ERBB3: variants seen among roughly 807,000 people sequenced by gnomAD.
The protein encoded by ERBB3 is receptor tyrosine-protein kinase erbB-3.
ERBB3 carries 96 observed loss-of-function variants against 156.7 expected under a neutral mutation model. The ratio of observed to expected loss-of-function variants is 0.61; its 90% CI spans 0.52 to 0.73. ERBB3 has a LOEUF of 0.73. ERBB3 is among the 30% of genes least tolerant of loss of function. The pLI is 0.00. For synonymous variants in ERBB3, 567 were observed against 632.0 expected, an observed-to-expected ratio of 0.90 and a Z score of 1.54; for missense variants, 1,406 against 1,709.4, an observed-to-expected ratio of 0.82 and a Z score of 3.13.
chr12:56,093,938 C>A lies in ERBB3; in HGVS notation c.1613+42C>A, dbSNP rs752253764. 1.1e-5 allele frequency: 18 copies of A among 1,612,382 alleles called. No homozygotes were observed. In the Admixed American group the frequency reaches 3.0e-4, roughly 27 times the overall value. On this transcript the variant is annotated intron_variant, in intron 13 of 27. Transcript: ENST00000267101. ...CAGTCAAGGATGGGTGGGGGTGGGG[C>A]CCTGCAATGGAACTGTTCAGGTGGC...
intron 9 of ERBB3, among the ~76,000 whole-genome samples, chr12:56,090,676 TTCTC>T (rs147490873): frequency 1.4e-4 from 21 of 150,570 alleles, no homozygotes; most frequent in East Asian, 1.2e-3. Context: ...GCTTTATCAC[TTCTC>T]TCTCTCTCTG....
At position 56,093,428 on chromosome 12, in the gene ERBB3, G is replaced by A. The variant is rs144549266; in HGVS notation, c.1358G>A (p.Arg453His). 7.9e-5 allele frequency: 128 copies of A among 1,613,974 alleles called. No homozygotes were observed. In the East Asian group the frequency reaches 9.8e-4, roughly 12 times the overall value. ...FRSLKEISAG[R>H]IYISANRQLC... ...TCCCTGAAGGAAATTAGTGCTGGGC[G>A]TATCTATATAAGTGCCAATAGGCAG... Residue 453 changes from arginine (R) to histidine (H), a missense_variant, in exon 12 of 28, where the codon CGT becomes CAT. Arg to His is a conservative substitution (Grantham distance 29). Coordinates refer to ENST00000267101, the MANE Select transcript of ERBB3 (RefSeq NM_001982.4).
At chr12:56,080,783 C>T (rs1006733161) in intron 1 of ERBB3, among the ~76,000 whole-genome samples, 1 of 152,174 alleles carries the variant, frequency 6.6e-6, no homozygotes, top group East Asian at 1.9e-4. Context: ...GCCCCCCACC[C>T]GCGCCGATTT....
intron 9 of ERBB3, among the ~76,000 whole-genome samples, chr12:56,091,266 T>TTATATATATATATATATA (rs199547778): frequency 5.8e-4 from 25 of 43,416 alleles, no homozygotes; most frequent in African/African-American, 2.8e-3. Context: ...TTGGCTAATT[T>TTATATATATATATATATA]TATATATATA....
intron 2 of ERBB3, 126 bp downstream of exon 2, chr12:56,084,028 C>CA: frequency 1.0e-6 from 1 of 954,880 alleles, no homozygotes; most frequent in South Asian, 1.3e-5. Context: ...TCCTAAGATT[C>CA]AAAACCGTGT....
In ERBB3 at chr12:56,096,816, T is replaced by C. The variant is rs1418666349; in HGVS notation, c.2244T>C (p.Ser748=). 1.2e-6 allele frequency: 2 copies of C among 1,613,364 alleles called. No individual in the cohort carries two copies. Among genetic ancestry groups the C allele is most frequent in the East Asian group, 2.2e-5 (1 of 44,872 alleles). ...GCATTAAAGTCATTGAGGACAAGAGTGGACGGCAGAGTTTTCAAGCTGTGA... is the reference window on the plus strand; with the variant it reads ...GCATTAAAGTCATTGAGGACAAGAGCGGACGGCAGAGTTTTCAAGCTGTGA... ...PVCIKVIEDK[S]GRQSFQAVTD... is the part of the protein sequence containing the mutation. The change falls in exon 19 of 28, where the codon AGT becomes AGC. Residue 748 remains serine, a synonymous_variant. Transcript: ENST00000267101.
rs561999778 is a variant in ERBB3 at position 56,094,652 on chromosome 12, C to G, written c.1859+96C>G. The G allele has an allele frequency of 4.2e-6, 6 of 1,433,134 alleles. No homozygotes were observed. In the South Asian group the frequency reaches 7.2e-5, roughly 17 times the overall value. 88.8% of individuals were successfully genotyped at this position (1,433,134 alleles called of 1,614,324 possible). On this transcript the variant is annotated intron_variant, in intron 15 of 27. Transcript: ENST00000267101. The stretch of plus-strand genomic sequence containing the variant: ...CAGAAAGAAGAGAGAGGCTGTGATT[C>G]AAGAATCACTCCCAGCTGGCCGGGC...
chr12:56,083,031 G>C (rs1402539049), intron 1 of ERBB3, among the ~76,000 whole-genome samples: 1 of 152,122 alleles, frequency 6.6e-6, no homozygotes, highest in Non-Finnish European at 1.5e-5. Flanking sequence ...GAGGCAACTA[G>C]CTCCTTATCT....
rs878986032 is a variant in ERBB3, at chr12:56,101,462, T to C, written c.3503-67T>C. On this transcript the variant is annotated intron_variant, in intron 27 of 27. Coordinates refer to ENST00000267101, the MANE Select transcript of ERBB3 (RefSeq NM_001982.4). ...ATCATATGCCTCTCTGTCCTATTAA[T>C]TTTTTCAAACTTTCCCCTACCCTCA... 13 of 1,601,514 alleles carry C rather than the reference T, an allele frequency of 8.1e-6. No homozygotes were observed. In the South Asian group the frequency reaches 1.2e-4, roughly 15 times the overall value.
chr12:56,092,978 C>T lies in ERBB3; in HGVS notation c.1184-8C>T. 6.2e-7 allele frequency: 1 copy of T among 1,612,364 alleles called. No individual in the cohort carries two copies. Among genetic ancestry groups the T allele is most frequent in the Non-Finnish European group, 8.5e-7 (1 of 1,178,344 alleles). On this transcript the variant is annotated splice_polypyrimidine_tract_variant and splice_region_variant and intron_variant, in intron 10 of 27. Coordinates refer to ENST00000267101, the MANE Select transcript of ERBB3 (RefSeq NM_001982.4). ...TCCCTGCCCATATGCCTCTCTCCAA[C>T]CCCTCAGGTTACCTGAACATCCAGT...
Position 56,094,204 on chromosome 12 carries a change from C to A in ERBB3, c.1704+15C>A, listed in dbSNP as rs758519672. 52 of 1,601,800 alleles carry A rather than the reference C, an allele frequency of 3.2e-5. No homozygotes were observed. The highest frequency in any genetic ancestry group is 3.3e-5 in the Non-Finnish European group (38 of 1,168,968). ...GCAATGGCTCGGTATACTAGTAGCA[C>A]CAGGATCTCCAAGGGAGACAGAGAA... On this transcript the variant is annotated intron_variant, in intron 14 of 27. Transcript: ENST00000267101.
chr12:56,098,426 A>G (rs1868969799), intron 21 of ERBB3, 74 bp from the exon 22 acceptor site: 2 of 1,198,152 alleles, frequency 1.7e-6, no homozygotes, highest in East Asian at 4.7e-5. Flanking sequence ...AAAAAAAAAA[A>G]AGAATTTGGG....
At chr12:56,087,404 T>C (rs937577558) in intron 4 of ERBB3, among the ~76,000 whole-genome samples, 173 bp from the exon 5 acceptor site, 7 of 152,062 alleles carry the variant, frequency 4.6e-5, no homozygotes, top group African/African-American at 7.2e-5. Flanking sequence ...CCGCGCCCCT[T>C]GTTGACAGGT....
At position 56,100,038 on chromosome 12, in the gene ERBB3, A is replaced by C. The variant is rs2292238; in HGVS notation, c.3129+9A>C. 621,557 of 1,612,632 alleles carry C rather than the reference A, an allele frequency of 0.39. 122,710 individuals are homozygous for C. The highest frequency in any genetic ancestry group is 0.41 in the Non-Finnish European group (480,508 of 1,178,866). On this transcript the variant is annotated intron_variant, in intron 25 of 27. Coordinates refer to ENST00000267101, the MANE Select transcript of ERBB3 (RefSeq NM_001982.4). ...TTAATCGGCCACGTGGGGTAAGACA[A>C]CTTCTAATTACCCAACACTTTGCAC...
chr12:56,091,918 AAG>A (rs1345800203), intron 9 of ERBB3, among the ~76,000 whole-genome samples: 1 of 151,960 alleles, frequency 6.6e-6, no homozygotes, highest in South Asian at 2.1e-4. Context: ...TACTGTTAGG[AAG>A]AGTCTTTCCA....
Position 56,089,061 on chromosome 12 carries a change from A to G in ERBB3, c.1109+193A>G. ...TTCGGTCCCCTCAGGAACATCTTTG[A>G]GCAATTCAATATCGCCCTGCCAAGG... On this transcript the variant is annotated intron_variant, in intron 9 of 27. Coordinates refer to ENST00000267101, the MANE Select transcript of ERBB3 (RefSeq NM_001982.4). 9.8e-6 allele frequency: 7 copies of G among 717,866 alleles called. No homozygotes were observed. The South Asian group carries it at 1.0e-4, about 10-fold the overall frequency. The allele number at this position is 717,866 out of a possible 1,614,324, so 44.5% of individuals were successfully genotyped here.
intron 3 of ERBB3, among the ~76,000 whole-genome samples, chr12:56,086,011 G>T (rs939733248): frequency 5.5e-5 from 8 of 146,092 alleles, no homozygotes; most frequent in African/African-American, 1.8e-4. Flanking sequence ...GGAGCTTGCA[G>T]TGAGCCAAGA....
rs572735121 is a variant in ERBB3, at chr12:56,086,391, C to T, written c.422-140C>T. ...CATCTTATAAAGGGAGTCTTCTCTG[C>T]AGCTTAGATTTAATTGGACCTATCT... On this transcript the variant is annotated intron_variant, in intron 3 of 27. Transcript: ENST00000267101. The T allele has an allele frequency of 5.5e-5, 56 of 1,026,942 alleles. 1 individual carries two copies. In the African/African-American group the frequency reaches 7.7e-4, roughly 14 times the overall value. The allele number at this position is 1,026,942 out of a possible 1,614,324, so 63.6% of individuals were successfully genotyped here.
rs1035404274 is a variant in ERBB3 at position 56,102,898 on chromosome 12, G to A, written c.*843G>A. On this transcript the variant is annotated 3_prime_UTR_variant, in exon 28 of 28. Coordinates refer to ENST00000267101, the MANE Select transcript of ERBB3 (RefSeq NM_001982.4). ...AGCCAGCACTTTGGGAGGCTGAGAT[G>A]GGAAGATCACTTGAGCCCAGAATTA... 5 of 225,744 alleles carry A rather than the reference G, an allele frequency of 2.2e-5. No homozygotes were observed. The highest frequency in any genetic ancestry group is 3.5e-5 in the Non-Finnish European group (4 of 113,998). 14.0% of individuals were successfully genotyped at this position (225,744 alleles called of 1,614,324 possible). A position where few individuals can be genotyped will look rare whatever the true frequency, so the allele number is the denominator to read the frequency against.
Sources: gnomAD v4.1 joint callset for allele counts (sites outside exome capture counted in the v4.1 genomes callset) on GRCh38, gnomAD v4.1.1 for gene constraint, MANE v1.5 for transcripts, NCBI Gene and HGNC (gene_info 2026-07-23, HGNC 2026-07-21) for gene names.